The following PTPN9 variants were observed in gnomAD, a reference collection of about 807,000 sequenced individuals.
PTPN9 encodes tyrosine-protein phosphatase non-receptor type 9.
In PTPN9, 26 loss-of-function variants were observed where a neutral mutation model predicts 69.8. That is an observed-to-expected ratio of 0.37 (90% CI 0.27 to 0.52). The LOEUF (loss-of-function observed/expected upper bound fraction) is 0.52. PTPN9 is among the 20% of genes least tolerant of loss of function. The probability of loss-of-function intolerance (pLI) is 0.91; values close to 1 mark genes in which losing one functional copy is unlikely to be tolerated. For missense variants in PTPN9, 549 were observed against 740.3 expected (o/e 0.74, Z 3.00); for synonymous variants, 274 against 272.5 (o/e 1.01, Z -0.05).
chr15:75,578,100 A>C (rs2075181976), intron 1 of PTPN9, among the ~76,000 whole-genome samples: 1 of 152,176 alleles, frequency 6.6e-6, no homozygotes, highest in South Asian at 2.1e-4. Context: ...AGCGCGGGTG[A>C]GGAGATGCGC....
chr15:75,483,660 C>T (rs1191309763), intron 8 of PTPN9, among the ~76,000 whole-genome samples: 1 of 152,142 alleles, frequency 6.6e-6, no homozygotes, highest in Non-Finnish European at 1.5e-5. Context: ...TACTAATAGC[C>T]ATTGACTTAT....
At chr15:75,473,638 C>G in intron 10 of PTPN9, 51 bp downstream of exon 10, 2 of 1,408,330 alleles carry the variant, frequency 1.4e-6, no homozygotes, top group Non-Finnish European at 2.0e-6. Flanking sequence ...ATCACCCATG[C>G]CTAGGGACAG....
chr15:75,552,297 C>T (rs1235837375), intron 1 of PTPN9, among the ~76,000 whole-genome samples: 5 of 151,822 alleles, frequency 3.3e-5, no homozygotes, highest in Non-Finnish European at 1.5e-5. Flanking sequence ...TTCCCAGCTA[C>T]TCGGGAGGCT....
At chr15:75,487,364 A>T (rs2074685309) in intron 8 of PTPN9, 1 of 152,106 alleles carries the variant, frequency 6.6e-6, no homozygotes. Context: ...ATAAAATAAA[A>T]AAAAAGCCTA....
chr15:75,489,091 C>T (rs570095824), intron 8 of PTPN9, among the ~76,000 whole-genome samples: 50 of 143,764 alleles, frequency 3.5e-4, no homozygotes, highest in African/African-American at 1.0e-3. Context: ...AGGAGAATGG[C>T]GTGAACCTGG....
At chr15:75,510,769 G>A (rs1428905234) in intron 5 of PTPN9, among the ~76,000 whole-genome samples, 5 of 151,452 alleles carry the variant, frequency 3.3e-5, no homozygotes, top group Non-Finnish European at 7.4e-5. Flanking sequence ...TACAATTATT[G>A]GCGTTAAGTA....
At chr15:75,523,703 C>T (rs2074914865) in intron 3 of PTPN9, among the ~76,000 whole-genome samples, 1 of 152,180 alleles carries the variant, frequency 6.6e-6, no homozygotes, top group Admixed American at 6.6e-5. Context: ...GTGTCTGACA[C>T]ATTGCATATC....
At chr15:75,518,299 A>C (rs1308073781) in intron 4 of PTPN9, among the ~76,000 whole-genome samples, 3 of 151,834 alleles carry the variant, frequency 2.0e-5, no homozygotes, top group African/African-American at 7.3e-5. Context: ...ATGCCACTGC[A>C]CTCCAGCCTG....
rs556398906 is a variant in PTPN9 at position 75,474,347 on chromosome 15, C to T, written c.1130-580G>A. Among the ~76,000 whole-genome samples the T allele has an allele frequency of 3.9e-5, 6 of 152,150 alleles. No homozygotes were observed. In the South Asian group the frequency reaches 1.2e-3, roughly 32 times the overall value. On this transcript the variant is annotated intron_variant, in intron 9 of 12. Transcript: ENST00000618819. ...TCAGCCTGGCAACATGGTAAAACCC[C>T]ATCTCTATGAAAAATACAAAAATTA... is the stretch of plus-strand genomic sequence containing the variant.
At chr15:75,475,101 C>T (rs776178622) in intron 9 of PTPN9, among the ~76,000 whole-genome samples, 22 of 152,280 alleles carry the variant, frequency 1.4e-4, no homozygotes, top group Non-Finnish European at 2.6e-4. Context: ...ATATACTCTT[C>T]CATCCATTAT....
intron 8 of PTPN9, among the ~76,000 whole-genome samples, chr15:75,485,506 C>T (rs1260082957): frequency 1.2e-3 from 177 of 145,830 alleles, no homozygotes; most frequent in Middle Eastern, 3.5e-3. Flanking sequence ...GTAGCTGGGA[C>T]TACAGGCGCC....
intron 4 of PTPN9, among the ~76,000 whole-genome samples, chr15:75,520,554 G>T (rs991167688): frequency 8.4e-4 from 126 of 150,328 alleles, no homozygotes; most frequent in Admixed American, 2.5e-3. Flanking sequence ...GTTCGCTTTT[G>T]TTGCCCAGGC....
intron 1 of PTPN9, among the ~76,000 whole-genome samples, chr15:75,531,461 T>C (rs146998499): frequency 2.6e-5 from 4 of 152,032 alleles, no homozygotes; most frequent in South Asian, 4.2e-4. Context: ...GTGGCCAGCA[T>C]CAAAATGAGG....
At position 75,524,196 on chromosome 15, in the gene PTPN9, C is replaced by T; in HGVS notation, c.297+13G>A. 3 of 1,561,944 alleles carry T rather than the reference C, an allele frequency of 1.9e-6. No homozygotes were observed. Among genetic ancestry groups the T allele is most frequent in the African/African-American group, 2.7e-5 (2 of 73,698 alleles). ...GTAATAAGGCCCTACAAGATAGGTC[C>T]CTAAACACTCACTAAGATGGTGAAT... On this transcript the variant is annotated intron_variant, in intron 3 of 12. Transcript: ENST00000618819.
intron 5 of PTPN9, among the ~76,000 whole-genome samples, chr15:75,513,974 C>T (rs1341643515): frequency 6.6e-6 from 1 of 151,764 alleles, no homozygotes; most frequent in African/African-American, 2.4e-5. Context: ...TGACGAGCAC[C>T]TGTAATCCCA....
intron 1 of PTPN9, among the ~76,000 whole-genome samples, chr15:75,538,840 CAA>C (rs1190390284): frequency 6.6e-6 from 1 of 152,056 alleles, no homozygotes; most frequent in Non-Finnish European, 1.5e-5. Context: ...GTAGGATACA[CAA>C]AAAACTGGTA....
rs532082774 is a variant in PTPN9, at chr15:75,503,729, C to T, written c.968+1946G>A. On this transcript the variant is annotated intron_variant, in intron 7 of 12. Coordinates refer to ENST00000618819, the MANE Select transcript of PTPN9 (RefSeq NM_002833.4). ...CCGTCCGGGAGGGAGGTGGGGGAGT[C>T]AGCCCCCAACCCGGCCAGCCGCCCC... Among the ~76,000 whole-genome samples, 7 of 128,226 alleles carry T rather than the reference C, an allele frequency of 5.5e-5. No homozygotes were observed. In the East Asian group the frequency reaches 7.7e-4, roughly 14 times the overall value. The allele number at this position is 128,226 out of a possible 152,430, so 84.1% of individuals were successfully genotyped here. A position where few individuals can be genotyped will look rare whatever the true frequency, so the allele number is the denominator to read the frequency against.
At chr15:75,544,694 T>C (rs549811525) in intron 1 of PTPN9, among the ~76,000 whole-genome samples, 2 of 152,252 alleles carry the variant, frequency 1.3e-5, no homozygotes, top group South Asian at 4.1e-4. Context: ...CTGCCACTCA[T>C]GCCGCTAAAG....
At chr15:75,479,940 ATAGC>A (rs763092066) in intron 8 of PTPN9, 26 bp from the exon 9 acceptor site, 6 of 1,505,254 alleles carry the variant, frequency 4.0e-6, no homozygotes, top group Non-Finnish European at 5.5e-6. Flanking sequence ...AGACATCACT[ATAGC>A]TACACAGAAT....
Sources: allele counts gnomAD v4.1 joint callset (sites outside exome capture counted in the v4.1 genomes callset), GRCh38; gene constraint gnomAD v4.1.1; transcripts MANE v1.5; gene names NCBI Gene and HGNC (gene_info 2026-07-23, HGNC 2026-07-21).